Variants in MGAT4C observed in about 807,000 individuals in gnomAD.
The protein encoded by MGAT4C is alpha-1,3-mannosyl-glycoprotein 4-beta-N-acetylglucosaminyltransferase C.
A neutral mutation model predicts 40.1 loss-of-function variants in MGAT4C; 19 were observed. The ratio of observed to expected loss-of-function variants is 0.47; its 90% CI spans 0.33 to 0.70. MGAT4C has a LOEUF of 0.70. Among genes scored for constraint, MGAT4C ranks in the 30% least tolerant of loss-of-function variants. The pLI is 0.02. For missense variants in MGAT4C, 491 were observed against 563.2 expected, an observed-to-expected ratio of 0.87 and a Z score of 1.30; for synonymous variants, 181 against 187.1, an observed-to-expected ratio of 0.97 and a Z score of 0.27.
intron 4 of MGAT4C, among the ~76,000 whole-genome samples, chr12:86,276,629 C>T (rs1456511760): frequency 3.3e-5 from 5 of 152,160 alleles, no homozygotes; most frequent in Admixed American, 2.0e-4. Flanking sequence ...CTTTCTATCT[C>T]CATTAGTTCA....
intron 2 of MGAT4C, among the ~76,000 whole-genome samples, chr12:86,012,567 C>T (rs1395275925): frequency 1.3e-5 from 2 of 151,634 alleles, no homozygotes; most frequent in South Asian, 2.1e-4. Context: ...ATGGCAGAAC[C>T]CCATCTCTAC....
At chr12:86,382,971 C>T (rs1200487368) in intron 3 of MGAT4C, among the ~76,000 whole-genome samples, 1 of 152,204 alleles carries the variant, frequency 6.6e-6, no homozygotes, top group East Asian at 1.9e-4. Flanking sequence ...AATGTGGGGT[C>T]AGAACCCCCA....
intron 2 of MGAT4C, among the ~76,000 whole-genome samples, chr12:86,670,776 G>A (rs1389725227): frequency 6.6e-6 from 1 of 152,086 alleles, no homozygotes; most frequent in Non-Finnish European, 1.5e-5. Context: ...GACTGTCCAA[G>A]GCCAATGCTA....
chr12:86,391,825 A>G (rs188454381), intron 3 of MGAT4C, among the ~76,000 whole-genome samples: 4 of 152,082 alleles, frequency 2.6e-5, no homozygotes, highest in African/African-American at 9.7e-5. Context: ...GCGACACTGC[A>G]CTCCAGCCTG....
intron 1 of MGAT4C, among the ~76,000 whole-genome samples, chr12:86,788,107 A>G (rs1450699101): frequency 1.3e-5 from 2 of 151,336 alleles, no homozygotes; most frequent in East Asian, 3.9e-4. Context: ...TTATATATAT[A>G]TTTTAAAATT....
rs570523756 is a variant in MGAT4C at position 86,537,096 on chromosome 12, T to C, written c.-228-101831A>G. ...AGGACATGGATGAAGCTGGAAACCATCACTCTCAGCAAACTATCGCAAGGA... is the reference window on the plus strand; with the variant it reads ...AGGACATGGATGAAGCTGGAAACCACCACTCTCAGCAAACTATCGCAAGGA... On this transcript the variant is annotated intron_variant, in intron 2 of 7. Coordinates refer to the MGAT4C transcript ENST00000548651. 4.4e-3 allele frequency among the ~76,000 whole-genome samples: 664 copies of C among 152,126 alleles called. 4 individuals carry two copies. Among genetic ancestry groups the C allele is most frequent in the Non-Finnish European group, 5.7e-3 (388 of 68,018 alleles).
intron 1 of MGAT4C, among the ~76,000 whole-genome samples, chr12:86,136,297 C>T (rs932746956): frequency 1.1e-4 from 16 of 152,056 alleles, no homozygotes; most frequent in African/African-American, 3.9e-4. Flanking sequence ...CTTTATGTAG[C>T]TCACATTCTA....
chr12:86,239,244 CAA>C (rs1249675231), intron 1 of MGAT4C, among the ~76,000 whole-genome samples: 1 of 151,982 alleles, frequency 6.6e-6, no homozygotes, highest in Non-Finnish European at 1.5e-5. Flanking sequence ...TTGGATGTCT[CAA>C]TGAATCTGGC....
chr12:86,213,916 C>A (rs565671651), intron 1 of MGAT4C, among the ~76,000 whole-genome samples: 1 of 152,198 alleles, frequency 6.6e-6, no homozygotes, highest in African/African-American at 2.4e-5. Context: ...CTTTAAACTG[C>A]TTCCTGCATC....
At chr12:86,744,215 C>G (rs1951117150) in intron 1 of MGAT4C, among the ~76,000 whole-genome samples, 1 of 151,426 alleles carries the variant, frequency 6.6e-6, no homozygotes, top group East Asian at 2.0e-4. Context: ...GGGAGACAAC[C>G]ACGGAACTAA....
At chr12:86,574,946 G>A (rs757272277) in intron 2 of MGAT4C, among the ~76,000 whole-genome samples, 12 of 151,858 alleles carry the variant, frequency 7.9e-5, no homozygotes, top group Non-Finnish European at 1.3e-4. Flanking sequence ...ATCACTGGCT[G>A]AAATATACCA....
At chr12:86,380,102 T>A (rs1955901004) in intron 3 of MGAT4C, among the ~76,000 whole-genome samples, 1 of 152,154 alleles carries the variant, frequency 6.6e-6, no homozygotes, top group Non-Finnish European at 1.5e-5. Context: ...ATGAGTCATT[T>A]TTTTATGATA....
intron 2 of MGAT4C, among the ~76,000 whole-genome samples, chr12:86,610,307 C>T (rs1391269534): frequency 1.3e-5 from 2 of 152,130 alleles, no homozygotes; most frequent in Non-Finnish European, 2.9e-5. Context: ...ACTATACTTG[C>T]TCAGGAGGAT....
At chr12:86,403,585 T>C (rs915164091) in intron 3 of MGAT4C, among the ~76,000 whole-genome samples, 1 of 152,218 alleles carries the variant, frequency 6.6e-6, no homozygotes, top group Non-Finnish European at 1.5e-5. Flanking sequence ...TTAAATTATA[T>C]GCCTCTATTA....
chr12:86,826,962 C>T (rs1952820496), intron 1 of MGAT4C, among the ~76,000 whole-genome samples: 1 of 151,452 alleles, frequency 6.6e-6, no homozygotes, highest in East Asian at 1.9e-4. Context: ...ATCTCTGCTA[C>T]TAATCCCTTA....
intron 2 of MGAT4C, among the ~76,000 whole-genome samples, chr12:86,614,901 A>G (rs993068776): frequency 6.6e-6 from 1 of 151,962 alleles, no homozygotes; most frequent in African/African-American, 2.4e-5. Context: ...AGTCAGACCC[A>G]TCGAAACTTG....
chr12:86,438,690 A>G (rs1444077107), intron 2 of MGAT4C, among the ~76,000 whole-genome samples: 1 of 151,942 alleles, frequency 6.6e-6, no homozygotes, highest in Non-Finnish European at 1.5e-5. Flanking sequence ...CAGAATTGAT[A>G]CAGTAATCAC....
chr12:86,328,646 C>T (rs1032994401), intron 4 of MGAT4C, among the ~76,000 whole-genome samples: 8 of 151,958 alleles, frequency 5.3e-5, no homozygotes, highest in South Asian at 2.1e-4. Flanking sequence ...ATTGCTTCAA[C>T]GAGAAATAAT....
At chr12:86,704,252 T>C (rs1448867148) in intron 2 of MGAT4C, among the ~76,000 whole-genome samples, 1 of 152,128 alleles carries the variant, frequency 6.6e-6, no homozygotes, top group Non-Finnish European at 1.5e-5. Flanking sequence ...AAAAAGTTAC[T>C]CCTAATTTAA....
Sources: allele counts gnomAD v4.1 joint callset (sites outside exome capture counted in the v4.1 genomes callset), GRCh38; gene constraint gnomAD v4.1.1; transcripts MANE v1.5; gene names NCBI Gene and HGNC (gene_info 2026-07-23, HGNC 2026-07-21).